Variants in ARHGAP44 observed in about 807,000 individuals in gnomAD.
ARHGAP44 encodes the protein rho GTPase-activating protein 44.
ARHGAP44 carries 43 observed loss-of-function variants against 106.8 expected under a neutral mutation model. That is an observed-to-expected ratio of 0.40 (90% CI 0.32 to 0.52). The LOEUF (loss-of-function observed/expected upper bound fraction) is 0.52, where lower values mean the gene tolerates loss of function less well. ARHGAP44 is among the 20% of genes least tolerant of loss of function. The probability of loss-of-function intolerance (pLI) is 0.48; values close to 1 mark genes in which losing one functional copy is unlikely to be tolerated. For synonymous variants in ARHGAP44, 439 were observed against 410.3 expected, an observed-to-expected ratio of 1.07 and a Z score of -0.85; for missense variants, 866 against 1,050.5, an observed-to-expected ratio of 0.82 and a Z score of 2.43.
chr17:12,812,538 C>G (rs1349532578), intron 1 of ARHGAP44, among the ~76,000 whole-genome samples: 1 of 152,190 alleles, frequency 6.6e-6, no homozygotes, highest in Non-Finnish European at 1.5e-5. Context: ...TTACCTGAAT[C>G]AGATCCAAAT....
At chr17:12,910,504 A>G (rs1257568945) in intron 4 of ARHGAP44, among the ~76,000 whole-genome samples, 1 of 125,270 alleles carries the variant, frequency 8.0e-6, no homozygotes, top group East Asian at 2.7e-4. Context: ...GCTGGAGTGC[A>G]ATGACGCAAT....
At chr17:12,879,683 G>GTATA (rs533622463) in intron 1 of ARHGAP44, among the ~76,000 whole-genome samples, 155 of 113,380 alleles carry the variant, frequency 1.4e-3, no homozygotes, top group Middle Eastern at 4.5e-3. Context: ...GTGTGTATGT[G>GTATA]TATATATATA....
rs941653423 is a variant in ARHGAP44, at chr17:12,991,063, T to G, written c.*892T>G. 6.6e-6 allele frequency: 1 copy of G among 152,628 alleles called. No homozygotes were observed. Among genetic ancestry groups the G allele is most frequent in the Non-Finnish European group, 1.5e-5 (1 of 68,050 alleles). 9.5% of individuals were successfully genotyped at this position (152,628 alleles called of 1,614,324 possible). On this transcript the variant is annotated 3_prime_UTR_variant, in exon 21 of 21. Transcript: ENST00000379672. Reference sequence around the variant, plus strand: ...CAATAATTACGTTACCCAAAGCATGTGGAGGAAAAGTGAAACCAGCCACGG... The same window carrying G: ...CAATAATTACGTTACCCAAAGCATGGGGAGGAAAAGTGAAACCAGCCACGG...
chr17:12,802,594 C>G (rs182764899), intron 1 of ARHGAP44, among the ~76,000 whole-genome samples: 33 of 151,886 alleles, frequency 2.2e-4, no homozygotes, highest in African/African-American at 8.0e-4. Context: ...ACTCTTGGCC[C>G]GAGGACAGGG....
At chr17:12,853,443 A>G (rs1340248117) in intron 1 of ARHGAP44, among the ~76,000 whole-genome samples, 1 of 152,174 alleles carries the variant, frequency 6.6e-6, no homozygotes, top group Non-Finnish European at 1.5e-5. Context: ...GTACTGCTAG[A>G]GTAGAGTGGA....
At chr17:12,847,510 C>CTTTTTTTTTTTTTTTTTTTTTT (rs201835763) in intron 1 of ARHGAP44, among the ~76,000 whole-genome samples, 1 of 133,602 alleles carries the variant, frequency 7.5e-6, no homozygotes, top group Non-Finnish European at 1.5e-5. Flanking sequence ...GCTACCATCA[C>CTTTTTTTTTTTTTTTTTTTTTT]TCTTTTTTTT....
chr17:12,986,696 A>G (rs2039966543), intron 20 of ARHGAP44: 1 of 150,212 alleles, frequency 6.7e-6, no homozygotes, highest in South Asian at 2.2e-4. Flanking sequence ...AAAAAAAAAA[A>G]AAAAAAGAAT....
chr17:12,943,692 G>C (rs768211333), intron 9 of ARHGAP44, 23 bp downstream of exon 9: 1 of 1,609,896 alleles, frequency 6.2e-7, no homozygotes. Context: ...CTTCCCTGGA[G>C]AAGGGAGGGC....
At chr17:12,871,789 C>T (rs79614009) in intron 1 of ARHGAP44, among the ~76,000 whole-genome samples, 4 of 152,084 alleles carry the variant, frequency 2.6e-5, no homozygotes, top group South Asian at 4.1e-4. Flanking sequence ...CACCTCCCCC[C>T]GTCTCTCTCT....
chr17:12,875,812 CA>C (rs1185454359), intron 1 of ARHGAP44, among the ~76,000 whole-genome samples: 1 of 152,106 alleles, frequency 6.6e-6, no homozygotes, highest in Non-Finnish European at 1.5e-5. Context: ...GGCATGGTGG[CA>C]GGTGCCTGTA....
chr17:12,916,907 C>T (rs1000730758), intron 5 of ARHGAP44, among the ~76,000 whole-genome samples: 2 of 152,176 alleles, frequency 1.3e-5, no homozygotes, highest in Non-Finnish European at 2.9e-5. Context: ...CATCTCAAAC[C>T]TGAAACAATC....
At chr17:12,805,768 C>CTTAG (rs2034256782) in intron 1 of ARHGAP44, among the ~76,000 whole-genome samples, 1 of 152,168 alleles carries the variant, frequency 6.6e-6, no homozygotes, top group Admixed American at 6.5e-5. Flanking sequence ...AGGGAGTGCT[C>CTTAG]TTAGCATCAG....
At chr17:12,946,887 A>T (rs1426137086) in intron 10 of ARHGAP44, among the ~76,000 whole-genome samples, 1 of 152,224 alleles carries the variant, frequency 6.6e-6, no homozygotes, top group East Asian at 1.9e-4. Context: ...TGGTTTTTGA[A>T]GAGCAGTACC....
intron 1 of ARHGAP44, among the ~76,000 whole-genome samples, chr17:12,872,455 C>T (rs1290139183): frequency 6.6e-6 from 1 of 152,140 alleles, no homozygotes; most frequent in Non-Finnish European, 1.5e-5. Flanking sequence ...GAAACTTTCT[C>T]GAAAGATAGG....
At chr17:12,818,305 A>G (rs1432245601) in intron 1 of ARHGAP44, among the ~76,000 whole-genome samples, 2 of 140,672 alleles carry the variant, frequency 1.4e-5, no homozygotes, top group Non-Finnish European at 3.0e-5. Flanking sequence ...ATTATTAGGA[A>G]TTTTAAACTG....
intron 20 of ARHGAP44, 68 bp from the exon 21 acceptor site, chr17:12,989,964 G>C: frequency 1.3e-6 from 2 of 1,573,578 alleles, no homozygotes; most frequent in African/African-American, 2.7e-5. Flanking sequence ...GACATTATTT[G>C]CCTACAACTA....
intron 1 of ARHGAP44, among the ~76,000 whole-genome samples, chr17:12,804,913 C>T (rs1181839379): frequency 6.6e-6 from 1 of 152,204 alleles, no homozygotes; most frequent in East Asian, 1.9e-4. Flanking sequence ...GCAATTCAGA[C>T]ATCCCCCCTT....
chr17:12,802,953 ATATATATATATATATATT>A (rs1305633950), intron 1 of ARHGAP44, among the ~76,000 whole-genome samples: 2 of 21,522 alleles, frequency 9.3e-5, no homozygotes, highest in African/African-American at 4.4e-4. Flanking sequence ...ATATATATAT[ATATATATATATATATATT>A]TTTTTTTTTT....
At chr17:12,952,683 A>T in intron 13 of ARHGAP44, 102 bp downstream of exon 13, 2 of 674,088 alleles carry the variant, frequency 3.0e-6, no homozygotes, top group Non-Finnish European at 4.9e-6. Flanking sequence ...CATGCATAGC[A>T]TTTTATGATG....
Sources: allele counts gnomAD v4.1 joint callset (sites outside exome capture counted in the v4.1 genomes callset), GRCh38; gene constraint gnomAD v4.1.1; transcripts MANE v1.5; gene names NCBI Gene and HGNC (gene_info 2026-07-23, HGNC 2026-07-21).